SMARCA4: variants seen among roughly 807,000 people sequenced by gnomAD.
The protein encoded by SMARCA4 is SWI/SNF-related matrix-associated actin-dependent regulator of chromatin subfamily A member 4.
In SMARCA4, 31 loss-of-function variants were observed where a neutral mutation model predicts 193.9. The ratio of observed to expected loss-of-function variants is 0.16; its 90% confidence interval spans 0.12 to 0.22. SMARCA4 has a LOEUF of 0.22. Ranked by LOEUF, SMARCA4 falls within the 10% of genes least tolerant of loss-of-function variation. SMARCA4 has a pLI of 1.00. For synonymous variants in SMARCA4, 942 were observed against 933.1 expected, an observed-to-expected ratio of 1.01 and a Z score of -0.17; for missense variants, 1,148 against 2,296.0, an observed-to-expected ratio of 0.50 and a Z score of 10.22.
At chr19:11,061,188 TAA>T (rs140377414) in intron 34 of SMARCA4, among the ~76,000 whole-genome samples, 3,644 of 68,130 alleles carry the variant, frequency 0.053, 195 homozygotes, top group East Asian at 0.075. Context: ...ACCCTGTCTT[TAA>T]AAAAAAAAAA....
chr19:10,974,728 A>G (rs1327115935), intron 1 of SMARCA4, among the ~76,000 whole-genome samples: 7 of 69,286 alleles, frequency 1.0e-4, no homozygotes, highest in Admixed American at 4.5e-4. Flanking sequence ...TTTTTTTGAG[A>G]CAGAGTCTTG....
intron 1 of SMARCA4, among the ~76,000 whole-genome samples, chr19:10,982,752 C>T (rs2085664461): frequency 6.6e-6 from 1 of 152,106 alleles, no homozygotes; most frequent in Non-Finnish European, 1.5e-5. Context: ...GATCTGCCCG[C>T]CTTGGCCTCC....
rs573028250 is a variant in SMARCA4 at position 11,009,252 on chromosome 19, C to T, written c.2124-1129C>T. Among the ~76,000 whole-genome samples, 4 of 151,804 alleles carry T rather than the reference C, an allele frequency of 2.6e-5. No homozygotes were observed. In the East Asian group the frequency reaches 7.9e-4, roughly 30 times the overall value. On this transcript the variant is annotated intron_variant, in intron 14 of 34. Transcript: ENST00000344626. ...GGCCAGGATGGTCTTGATCTCTTGA[C>T]CTCATGATCTACCCACTTTGAGCTC...
chr19:11,031,115 A>T lies in SMARCA4; in HGVS notation c.3546+222A>T, dbSNP rs2074899395. The T allele has an allele frequency of 1.7e-6, 1 of 595,932 alleles. No homozygotes were observed. The highest frequency in any genetic ancestry group is 2.7e-5 in the Admixed American group (1 of 36,826). The allele number at this position is 595,932 out of a possible 1,614,324, so 36.9% of individuals were successfully genotyped here. A position where few individuals can be genotyped will look rare whatever the true frequency, so the allele number is the denominator to read the frequency against. ...AACAGCCTTTCCCTCTGATTGGGAAAGCAGTGTATAAGCCATCCGTCGGTT... is the reference window on the plus strand; with the variant it reads ...AACAGCCTTTCCCTCTGATTGGGAATGCAGTGTATAAGCCATCCGTCGGTT... On this transcript the variant is annotated intron_variant, in intron 25 of 34. Coordinates refer to ENST00000344626, the MANE Select transcript of SMARCA4 (RefSeq NM_003072.5). This position sits in a 1 kb window ranked among gnomAD's most constrained non-coding sequence, Gnocchi z 4.3.
chr19:11,017,379 G>A (rs1436940644), intron 16 of SMARCA4, among the ~76,000 whole-genome samples: 1 of 152,256 alleles, frequency 6.6e-6, no homozygotes, highest in Non-Finnish European at 1.5e-5. Context: ...CTTCAGTGAG[G>A]TTGTGAGGTG....
chr19:11,018,293 C>CTCCACCCTCTCAGCTTTATTACCGT, intron 16 of SMARCA4: 1 of 175,890 alleles, frequency 5.7e-6, no homozygotes, highest in South Asian at 1.3e-4. Flanking sequence ...TTTATTACCG[C>CTCCACCCTCTCAGCTTTATTACCGT]CTCCACCCTC....
chr19:10,967,760 C>T (rs1002536178), intron 1 of SMARCA4, among the ~76,000 whole-genome samples: 5 of 149,740 alleles, frequency 3.3e-5, no homozygotes, highest in Non-Finnish European at 5.9e-5. Flanking sequence ...TCTCGGCTCA[C>T]TGCAACCTCT....
intron 24 of SMARCA4, among the ~76,000 whole-genome samples, chr19:11,029,241 G>A (rs568158824): frequency 7.9e-5 from 12 of 152,216 alleles, no homozygotes; most frequent in East Asian, 3.9e-4. Context: ...GGCTTCTCCC[G>A]TCCTCGAGAG....
At position 11,033,923 on chromosome 19, in the gene SMARCA4, G is replaced by C. The variant is rs1026900295; in HGVS notation, c.3873+58G>C. ...CAATCCTCGGCTTCTCGGCTGAGAC[G>C]GCCAGCAAGGGCCCTGGTCCCACGG... is the stretch of plus-strand genomic sequence containing the variant. On this transcript the variant is annotated intron_variant, in intron 27 of 34. Coordinates refer to ENST00000344626, the MANE Select transcript of SMARCA4 (RefSeq NM_003072.5). The surrounding 1 kb of genome is among the most constrained non-coding windows in gnomAD (Gnocchi z 9.8). 2.6e-6 allele frequency: 2 copies of C among 757,898 alleles called. No individual in the cohort carries two copies. The allele number at this position is 757,898 out of a possible 1,614,324, so 46.9% of individuals were successfully genotyped here.
intron 11 of SMARCA4, among the ~76,000 whole-genome samples, chr19:11,000,391 T>C (rs2087516850): frequency 6.6e-6 from 1 of 150,622 alleles, no homozygotes; most frequent in South Asian, 2.1e-4. Flanking sequence ...TAACCAGGCT[T>C]GGTGCGCACG....
Position 11,007,922 on chromosome 19 carries a change from G to T in SMARCA4, c.2022G>T (p.Pro674=), listed in dbSNP as rs539865173. Residue 674 remains proline (P), a synonymous_variant, in exon 14 of 35, where the codon CCG becomes CCT. Transcript: ENST00000344626. ...EEEEEEEEEQ[P]QAAQPPTLPV... is the part of the protein sequence containing the mutation. ...GGTAGGAGGAGGAGGAAGAGCAGCC[G>T]CAGGCAGCACAGCCTCCCACCCTGC... The T allele has an allele frequency of 1.2e-4, 193 of 1,613,430 alleles. No individual in the cohort carries two copies. Among genetic ancestry groups the T allele is most frequent in the Non-Finnish European group, 1.4e-4 (169 of 1,179,566 alleles).
In SMARCA4 at chr19:10,986,927, TC is replaced by T; in HGVS notation, c.788del (p.Pro263GlnfsTer40). ...TAGGTATGGGAGGGCCCAACATGCC[TC>T]CCCCAGGACCCTCGGGCGTGCCCCC... ...PHGMGGPNMP[P>X]PGPSGVPPGM... On this transcript the variant is annotated frameshift_variant, in exon 5 of 35. Coordinates refer to ENST00000344626, the MANE Select transcript of SMARCA4 (RefSeq NM_003072.5). LOFTEE classifies it high-confidence loss of function. This position sits in a 1 kb window ranked among gnomAD's most constrained non-coding sequence, Gnocchi z 6.7. 2 of 1,612,384 alleles carry T rather than the reference TC, an allele frequency of 1.2e-6. No individual in the cohort carries two copies.
chr19:11,030,502 G>T lies in SMARCA4; in HGVS notation c.3383-228G>T, dbSNP rs1400549697. ...CACCTCCTCTAGTTCTCCCAGCGGG[G>T]CCTGTTTTCATTTCTGGGATGTGTG... On this transcript the variant is annotated intron_variant, in intron 24 of 34. Coordinates refer to ENST00000344626, the MANE Select transcript of SMARCA4 (RefSeq NM_003072.5). This position sits in a 1 kb window ranked among gnomAD's most constrained non-coding sequence, Gnocchi z 5.5. Among the ~76,000 whole-genome samples the T allele has an allele frequency of 1.3e-5, 2 of 152,232 alleles. No individual in the cohort carries two copies. The highest frequency in any genetic ancestry group is 2.9e-5 in the Non-Finnish European group (2 of 68,042).
intron 13 of SMARCA4, among the ~76,000 whole-genome samples, chr19:11,006,214 A>C (rs921995510): frequency 1.3e-5 from 2 of 152,264 alleles, no homozygotes; most frequent in African/African-American, 4.8e-5. Context: ...TGGCAATACA[A>C]GAATAGTTTA....
At chr19:11,017,855 C>G (rs2089503612) in intron 16 of SMARCA4, among the ~76,000 whole-genome samples, 1 of 152,252 alleles carries the variant, frequency 6.6e-6, no homozygotes, top group Non-Finnish European at 1.5e-5. Context: ...CCCTCAGGCT[C>G]CTTACCTCAT....
Position 11,019,502 on chromosome 19 carries a change from C to T in SMARCA4, c.2506-89C>T. 1.3e-6 allele frequency: 1 copy of T among 793,016 alleles called. No individual in the cohort carries two copies. 49.1% of individuals were successfully genotyped at this position (793,016 alleles called of 1,614,324 possible). On this transcript the variant is annotated intron_variant, in intron 17 of 34. Coordinates refer to ENST00000344626, the MANE Select transcript of SMARCA4 (RefSeq NM_003072.5). The surrounding 1 kb of genome is among the most constrained non-coding windows in gnomAD (Gnocchi z 6.1). ...GAGGACGAGCCCTCCCGCCGTGTCA[C>T]TGGGCAGTTGCAGGGGGTGCCTGTG...
At position 11,010,414 on chromosome 19, in the gene SMARCA4, C is replaced by T. The variant is rs756240718; in HGVS notation, c.2157C>T (p.Gly719=). ...AGCAAGATGTCGATGATGAATATGG[C>T]GTGTCCCAGGCCCTTGCACGTGGCC... ...NAKQDVDDEY[G]VSQALARGLQ... Residue 719 remains glycine (G), a synonymous_variant, in exon 15 of 35, where the codon GGC becomes GGT. Coordinates refer to ENST00000344626, the MANE Select transcript of SMARCA4 (RefSeq NM_003072.5). 12 of 1,614,010 alleles carry T rather than the reference C, an allele frequency of 7.4e-6. No homozygotes were observed. Among genetic ancestry groups the T allele is most frequent in the Non-Finnish European group, 1.0e-5 (12 of 1,179,992 alleles).
rs1064795842 is a variant in SMARCA4 at position 10,986,922 on chromosome 19, A to G, written c.778A>G (p.Met260Val). 3 of 1,612,268 alleles carry G rather than the reference A, an allele frequency of 1.9e-6. No individual in the cohort carries two copies. The highest frequency in any genetic ancestry group is 1.3e-5 in the African/African-American group (1 of 74,852). ...ACATGTAGGTATGGGAGGGCCCAAC[A>G]TGCCTCCCCCAGGACCCTCGGGCGT... ...SRPHGMGGPN[M>V]PPPGPSGVPP... Residue 260 changes from methionine to valine, a missense_variant, in exon 5 of 35, where the codon ATG becomes GTG. By Grantham distance (21) the Met-to-Val change is conservative. Around this residue, in one of 17 missense-constraint regions of SMARCA4, gnomAD observed 257 missense variants for 276.5 expected, o/e 0.93. Coordinates refer to ENST00000344626, the MANE Select transcript of SMARCA4 (RefSeq NM_003072.5). This position sits in a 1 kb window ranked among gnomAD's most constrained non-coding sequence, Gnocchi z 6.7.
chr19:10,966,068 C>G (rs1004494150), intron 1 of SMARCA4, among the ~76,000 whole-genome samples: 1 of 149,142 alleles, frequency 6.7e-6, no homozygotes, highest in Admixed American at 6.8e-5. Context: ...CTGCAACATC[C>G]GACTGCAGAG....
Sources: allele counts gnomAD v4.1 joint callset (sites outside exome capture counted in the v4.1 genomes callset), GRCh38; gene constraint gnomAD v4.1.1; regional missense constraint gnomAD v4.1.1; non-coding constraint Gnocchi (gnomAD v3.1); transcripts MANE v1.5; gene names NCBI Gene and HGNC (gene_info 2026-07-23, HGNC 2026-07-21).